The following LHFPL2 variants were observed in gnomAD, a reference collection of about 807,000 sequenced individuals.
LHFPL2 encodes the protein LHFPL tetraspan subfamily member 2 protein.
Under a neutral mutation model 17.5 loss-of-function variants are expected in LHFPL2, and 7 were observed. The observed-to-expected ratio is 0.40, with a 90% CI of 0.23 to 0.75. The LOEUF (loss-of-function observed/expected upper bound fraction) is 0.75, where lower values mean the gene tolerates loss of function less well. LHFPL2 is among the 30% of genes least tolerant of loss of function. The probability of loss-of-function intolerance (pLI) is 0.37; values close to 1 mark genes in which losing one functional copy is unlikely to be tolerated. For missense variants in LHFPL2, 241 were observed against 294.8 expected, an observed-to-expected ratio of 0.82 and a Z score of 1.34; for synonymous variants, 134 against 116.2, an observed-to-expected ratio of 1.15 and a Z score of -0.99.
chr5:78,522,126 C>T (rs1755476024), intron 3 of LHFPL2, among the ~76,000 whole-genome samples: 1 of 152,194 alleles, frequency 6.6e-6, no homozygotes, highest in African/African-American at 2.4e-5. Flanking sequence ...CATTAAACAT[C>T]AGCTAAAACT....
intron 2 of LHFPL2, among the ~76,000 whole-genome samples, chr5:78,575,263 G>A (rs772135191): frequency 3.7e-4 from 57 of 152,244 alleles, no homozygotes; most frequent in Non-Finnish European, 6.8e-4. Context: ...ACCACCACAT[G>A]GAGGGCCAGG....
intron 2 of LHFPL2, among the ~76,000 whole-genome samples, chr5:78,578,869 A>G (rs986774078): frequency 6.6e-6 from 1 of 152,168 alleles, no homozygotes; most frequent in Non-Finnish European, 1.5e-5. Flanking sequence ...ACAAAGTACA[A>G]TGGCCACGTG....
At chr5:78,569,645 A>C (rs1015092288) in intron 2 of LHFPL2, among the ~76,000 whole-genome samples, 1 of 152,172 alleles carries the variant, frequency 6.6e-6, no homozygotes, top group Non-Finnish European at 1.5e-5. Context: ...AGTTTCATGA[A>C]CCGTCTACCA....
At position 78,496,304 on chromosome 5, in the gene LHFPL2, T is replaced by C. The variant is rs533133707; in HGVS notation, c.431-7151A>G. On this transcript the variant is annotated intron_variant, in intron 4 of 4. Transcript: ENST00000380345. Reference sequence around the variant, plus strand: ...AATCGATACGAATTCTAATGAGACATTGCAACTTTGCCTTAACATTCACTG... The same window carrying C: ...AATCGATACGAATTCTAATGAGACACTGCAACTTTGCCTTAACATTCACTG... Among the ~76,000 whole-genome samples, 18 of 152,316 alleles carry C rather than the reference T, an allele frequency of 1.2e-4. No individual in the cohort carries two copies. In the South Asian group the frequency reaches 1.9e-3, roughly 16 times the overall value.
intron 2 of LHFPL2, among the ~76,000 whole-genome samples, chr5:78,565,901 C>T (rs1219850055): frequency 6.6e-6 from 1 of 152,174 alleles, no homozygotes; most frequent in Non-Finnish European, 1.5e-5. Context: ...TAGCAGATGA[C>T]TAGCCAGTTA....
intron 3 of LHFPL2, among the ~76,000 whole-genome samples, chr5:78,523,322 T>C (rs1349910696): frequency 6.6e-6 from 1 of 152,316 alleles, no homozygotes; most frequent in South Asian, 2.1e-4. Flanking sequence ...CTTTTTATAA[T>C]GGTTTACGAG....
At chr5:78,624,209 A>G (rs769915956) in intron 2 of LHFPL2, among the ~76,000 whole-genome samples, 1 of 152,212 alleles carries the variant, frequency 6.6e-6, no homozygotes, top group Non-Finnish European at 1.5e-5. Context: ...TGTAGTCATC[A>G]ATCAGGGTTT....
intron 3 of LHFPL2, among the ~76,000 whole-genome samples, chr5:78,559,572 C>T (rs1471430452): frequency 6.6e-6 from 1 of 152,200 alleles, no homozygotes; most frequent in East Asian, 1.9e-4. Flanking sequence ...AAAAGAACTA[C>T]ATCCATTTTG....
Position 78,542,927 on chromosome 5 carries a change from G to A in LHFPL2, c.-186+21886C>T, listed in dbSNP as rs564140716. On this transcript the variant is annotated intron_variant, in intron 3 of 4. Coordinates refer to ENST00000380345, the MANE Select transcript of LHFPL2 (RefSeq NM_005779.3). The stretch of plus-strand genomic sequence containing the variant: ...ACTTAGGCAGATAGTGAGGGTAAAA[G>A]AGTCCTCTTTTAACAAAACGCAGCC... 4.6e-5 allele frequency among the ~76,000 whole-genome samples: 7 copies of A among 152,290 alleles called. No individual in the cohort carries two copies. In the East Asian group the frequency reaches 1.4e-3, roughly 29 times the overall value.
chr5:78,635,708 C>T (rs563223868), intron 1 of LHFPL2, among the ~76,000 whole-genome samples: 9 of 152,274 alleles, frequency 5.9e-5, no homozygotes, highest in Non-Finnish European at 8.8e-5. Context: ...GAGGCTGAGG[C>T]AGGAGAATGG....
chr5:78,570,218 T>C lies in LHFPL2; in HGVS notation c.-244-5347A>G, dbSNP rs556075386. The stretch of plus-strand genomic sequence containing the variant: ...GTTTACTGAATAAACAAAAGGATCA[T>C]TGCCCTATGAACATTCCCTACAGAT... On this transcript the variant is annotated intron_variant, in intron 2 of 4. Coordinates refer to ENST00000380345, the MANE Select transcript of LHFPL2 (RefSeq NM_005779.3). Among the ~76,000 whole-genome samples, 64 of 152,320 alleles carry C rather than the reference T, an allele frequency of 4.2e-4. No individual in the cohort carries two copies. The South Asian group carries it at 9.9e-3, about 24-fold the overall frequency.
At chr5:78,634,536 C>G (rs753026782) in intron 1 of LHFPL2, among the ~76,000 whole-genome samples, 1 of 152,236 alleles carries the variant, frequency 6.6e-6, no homozygotes, top group Non-Finnish European at 1.5e-5. Context: ...CCAAACACAC[C>G]GCCACACCTG....
At chr5:78,533,425 TAAAC>T (rs1175004508) in intron 3 of LHFPL2, among the ~76,000 whole-genome samples, 2 of 152,190 alleles carry the variant, frequency 1.3e-5, no homozygotes, top group African/African-American at 4.8e-5. Flanking sequence ...GAAATGGTAA[TAAAC>T]AAGTATTAGT....
intron 3 of LHFPL2, among the ~76,000 whole-genome samples, chr5:78,535,943 A>C (rs1342448395): frequency 6.6e-6 from 1 of 152,186 alleles, no homozygotes; most frequent in Non-Finnish European, 1.5e-5. Flanking sequence ...TTTATGCCCT[A>C]CGGGGACCTA....
intron 4 of LHFPL2, among the ~76,000 whole-genome samples, chr5:78,499,549 C>T (rs1754709683): frequency 6.6e-6 from 1 of 152,126 alleles, no homozygotes; most frequent in African/African-American, 2.4e-5. Context: ...TTACTGCAGA[C>T]CAGAGACTAA....
intron 3 of LHFPL2, among the ~76,000 whole-genome samples, chr5:78,528,804 A>G (rs1755696294): frequency 6.6e-6 from 1 of 152,060 alleles, no homozygotes; most frequent in South Asian, 2.1e-4. Context: ...ATCAATAAAT[A>G]TAGAGCATTC....
intron 4 of LHFPL2, among the ~76,000 whole-genome samples, chr5:78,489,755 C>T (rs1482973701): frequency 5.3e-5 from 8 of 152,162 alleles, no homozygotes; most frequent in African/African-American, 1.9e-4. Flanking sequence ...AAACTAAGGC[C>T]CTCAAGCCAA....
At chr5:78,622,777 G>C (rs999170411) in intron 2 of LHFPL2, among the ~76,000 whole-genome samples, 1 of 152,186 alleles carries the variant, frequency 6.6e-6, no homozygotes, top group African/African-American at 2.4e-5. Flanking sequence ...TACAGAAAAG[G>C]CATGCTCTTT....
intron 1 of LHFPL2, among the ~76,000 whole-genome samples, chr5:78,638,818 C>T (rs1011753922): frequency 6.6e-6 from 1 of 152,108 alleles, no homozygotes; most frequent in African/African-American, 2.4e-5. Context: ...GGTCAGAATT[C>T]AAAACTATCT....
Sources: allele counts gnomAD v4.1 joint callset (sites outside exome capture counted in the v4.1 genomes callset), GRCh38; gene constraint gnomAD v4.1.1; transcripts MANE v1.5; gene names NCBI Gene and HGNC (gene_info 2026-07-23, HGNC 2026-07-21).